LMBR1: variants seen among roughly 807,000 people sequenced by gnomAD.
LMBR1 encodes limb region 1 protein homolog.
LMBR1 carries 52 observed loss-of-function variants against 73.9 expected under a neutral mutation model. The observed-to-expected ratio is 0.70, with a 90% CI of 0.56 to 0.89. The LOEUF is 0.89. LMBR1 is among the 40% of genes least tolerant of loss of function. The pLI is 0.00. For missense variants in LMBR1, 539 were observed against 579.8 expected, an observed-to-expected ratio of 0.93 and a Z score of 0.72; for synonymous variants, 215 against 209.4, an observed-to-expected ratio of 1.03 and a Z score of -0.23.
chr7:156,730,336 A>T (rs1816610912), intron 10 of LMBR1, among the ~76,000 whole-genome samples: 1 of 152,192 alleles, frequency 6.6e-6, no homozygotes, highest in Non-Finnish European at 1.5e-5. Flanking sequence ...GTTTCTTGAG[A>T]GGTAAAAACT....
Position 156,680,403 on chromosome 7 carries a change from A to AGAGAGAGAGAGAGAGAGTGTGTGTGT in LMBR1, c.*3674_*3675insACACACACACTCTCTCTCTCTCTCTC, listed in dbSNP as rs1343950098. 4.8e-5 allele frequency: 6 copies of AGAGAGAGAGAGAGAGAGTGTGTGTGT among 125,066 alleles called. No individual in the cohort carries two copies. Among genetic ancestry groups the AGAGAGAGAGAGAGAGAGTGTGTGTGT allele is most frequent in the African/African-American group, 1.5e-4 (5 of 32,558 alleles). The allele number at this position is 125,066 out of a possible 1,614,324, so 7.7% of individuals were successfully genotyped here. A position where few individuals can be genotyped will look rare whatever the true frequency, so the allele number is the denominator to read the frequency against. ...GAGAGAGAGAGAGAGAGAGAGAGAG[A>AGAGAGAGAGAGAGAGAGTGTGTGTGT]GTGTGTGTGTGTGTGTGTGTGTAAT... On this transcript the variant is annotated 3_prime_UTR_variant, in exon 17 of 17. Coordinates refer to ENST00000353442, the MANE Select transcript of LMBR1 (RefSeq NM_022458.4).
chr7:156,818,489 C>T (rs538761334), intron 4 of LMBR1, among the ~76,000 whole-genome samples: 1 of 152,260 alleles, frequency 6.6e-6, no homozygotes, highest in Admixed American at 6.5e-5. Context: ...AGAATTATTT[C>T]CTGGTTTTAT....
In LMBR1 at chr7:156,733,845, T is replaced by C. The variant is rs138084812; in HGVS notation, c.838+332A>G. 2.3e-5 allele frequency: 4 copies of C among 171,836 alleles called. No individual in the cohort carries two copies. The East Asian group carries it at 6.3e-4, about 27-fold the overall frequency. The allele number at this position is 171,836 out of a possible 1,614,324, so 10.6% of individuals were successfully genotyped here. On this transcript the variant is annotated intron_variant, in intron 10 of 16. Transcript: ENST00000353442. ...TTGTTCAAAATCAACAATAAAGACATCTTAAAAGCAGATACAGAAAAAAGA... is the reference window on the plus strand; with the variant it reads ...TTGTTCAAAATCAACAATAAAGACACCTTAAAAGCAGATACAGAAAAAAGA...
intron 4 of LMBR1, among the ~76,000 whole-genome samples, chr7:156,809,842 AC>A (rs1186356617): frequency 2.0e-5 from 3 of 152,224 alleles, no homozygotes; most frequent in Non-Finnish European, 4.4e-5. Flanking sequence ...CCATCAGATT[AC>A]ATGCGTTGGT....
At chr7:156,728,556 C>T in intron 11 of LMBR1, 88 bp downstream of exon 11, 1 of 877,064 alleles carries the variant, frequency 1.1e-6, no homozygotes, top group Non-Finnish European at 1.8e-6. Context: ...TTATGAAAAA[C>T]CATTTAGCTG....
chr7:156,772,664 A>C (rs1378746085), intron 5 of LMBR1, among the ~76,000 whole-genome samples: 2 of 152,116 alleles, frequency 1.3e-5, no homozygotes. Flanking sequence ...CCTGACCAAC[A>C]CAGTGAAATC....
intron 4 of LMBR1, among the ~76,000 whole-genome samples, chr7:156,803,125 G>A (rs1758963209): frequency 6.6e-6 from 1 of 152,050 alleles, no homozygotes; most frequent in Non-Finnish European, 1.5e-5. Context: ...CAAAAGCAAT[G>A]GCAACAAAAG....
chr7:156,779,374 T>C lies in LMBR1; in HGVS notation c.424-15579A>G, dbSNP rs1015964614. On this transcript the variant is annotated intron_variant, in intron 5 of 16. Coordinates refer to ENST00000353442, the MANE Select transcript of LMBR1 (RefSeq NM_022458.4). The stretch of plus-strand genomic sequence containing the variant: ...TAAGTACTTTTCTGCCAATGAAACA[T>C]GAGTTGTTTTGAGTAAGCTATAGAA... 4.6e-5 allele frequency among the ~76,000 whole-genome samples: 7 copies of C among 152,230 alleles called. No homozygotes were observed. The highest frequency in any genetic ancestry group is 1.0e-4 in the Non-Finnish European group (7 of 68,030).
intron 1 of LMBR1, among the ~76,000 whole-genome samples, chr7:156,871,859 T>C (rs1013536920): frequency 6.6e-6 from 1 of 152,180 alleles, no homozygotes; most frequent in Non-Finnish European, 1.5e-5. Flanking sequence ...ACTGAAAGGT[T>C]TCCCACTGAG....
chr7:156,806,819 T>G (rs1182017444), intron 4 of LMBR1, among the ~76,000 whole-genome samples: 1 of 151,904 alleles, frequency 6.6e-6, no homozygotes, highest in Non-Finnish European at 1.5e-5. Flanking sequence ...ACCACATTGG[T>G]CAGACTGGTC....
chr7:156,815,895 G>A (rs1833833757), intron 4 of LMBR1, among the ~76,000 whole-genome samples: 1 of 151,678 alleles, frequency 6.6e-6, no homozygotes, highest in East Asian at 2.0e-4. Flanking sequence ...GAATTTTACT[G>A]TATAAAAGGG....
intron 1 of LMBR1, among the ~76,000 whole-genome samples, chr7:156,874,281 C>T (rs939005803): frequency 6.6e-6 from 1 of 152,240 alleles, no homozygotes; most frequent in Non-Finnish European, 1.5e-5. Flanking sequence ...CCAGCAGGGC[C>T]GGCTGGCTGC....
In LMBR1 at chr7:156,669,635, C is replaced by T. The variant is rs982168238; in HGVS notation, n.867-348G>A. ...TTTTCAAGAGGGCGACCCACAGCCA[C>T]GTGAACACTGGAAACTGCCCTCAGA... On this transcript the variant is annotated intron_variant and non_coding_transcript_variant, in intron 4 of 4. Coordinates refer to the LMBR1 transcript ENST00000430825. The surrounding 1 kb of genome is among the most constrained non-coding windows in gnomAD (Gnocchi z 4.2). Among the ~76,000 whole-genome samples the T allele has an allele frequency of 4.6e-5, 7 of 152,254 alleles. 1 individual carries two copies. The highest frequency in any genetic ancestry group is 2.1e-4 in the South Asian group (1 of 4,824).
At chr7:156,862,979 T>C (rs1797941115) in intron 1 of LMBR1, among the ~76,000 whole-genome samples, 1 of 152,192 alleles carries the variant, frequency 6.6e-6, no homozygotes, top group South Asian at 2.1e-4. Context: ...TCAGTCTCCA[T>C]AATCACGGAG....
chr7:156,779,480 A>G (rs1029709546), intron 5 of LMBR1, among the ~76,000 whole-genome samples: 2 of 152,238 alleles, frequency 1.3e-5, no homozygotes, highest in Non-Finnish European at 2.9e-5. Flanking sequence ...GATGAAATAG[A>G]TTAGTAAAGA....
intron 13 of LMBR1, 77 bp from the exon 14 acceptor site, chr7:156,725,602 A>T: frequency 7.9e-7 from 1 of 1,259,794 alleles, no homozygotes; most frequent in Non-Finnish European, 1.1e-6. Flanking sequence ...AAAAGTCTTA[A>T]GGCCCATAGG....
intron 9 of LMBR1, among the ~76,000 whole-genome samples, chr7:156,755,646 G>A (rs953626503): frequency 2.0e-5 from 3 of 152,164 alleles, no homozygotes; most frequent in African/African-American, 7.2e-5. Context: ...AATTAAACAG[G>A]TTTAAACATT....
intron 1 of LMBR1, among the ~76,000 whole-genome samples, chr7:156,885,803 G>A (rs950953406): frequency 1.5e-4 from 23 of 152,000 alleles, no homozygotes; most frequent in African/African-American, 5.3e-4. Flanking sequence ...ACTTGAACCC[G>A]GGAAGCAGAG....
chr7:156,779,855 AG>A (rs1826810146), intron 5 of LMBR1: 1 of 340,600 alleles, frequency 2.9e-6, no homozygotes, highest in African/African-American at 2.1e-5. Flanking sequence ...CTTAACAAAA[AG>A]GGTCTCTCAG....
Sources: gnomAD v4.1 joint callset for allele counts (sites outside exome capture counted in the v4.1 genomes callset) on GRCh38, gnomAD v4.1.1 for gene constraint, Gnocchi (gnomAD v3.1) non-coding constraint, MANE v1.5 for transcripts, NCBI Gene and HGNC (gene_info 2026-07-23, HGNC 2026-07-21) for gene names.